Variants in MAPK9 observed in about 807,000 individuals in gnomAD.
MAPK9 encodes mitogen-activated protein kinase 9, also known as Jun kinase.
In MAPK9, 30 loss-of-function variants were observed where a neutral mutation model predicts 57.1. The ratio of observed to expected loss-of-function variants is 0.53; its 90% CI spans 0.39 to 0.71. The LOEUF is 0.71. Ranked by LOEUF, MAPK9 falls within the 30% of genes least tolerant of loss-of-function variation. The probability of loss-of-function intolerance (pLI) is 0.00; values close to 1 mark genes in which losing one functional copy is unlikely to be tolerated. For missense variants in MAPK9, 362 were observed against 521.0 expected (o/e 0.69, Z 2.97); for synonymous variants, 155 against 177.0 (o/e 0.88, Z 0.99).
chr5:180,279,904 A>G, intron 2 of MAPK9: 2 of 456,666 alleles, frequency 4.4e-6, no homozygotes, highest in Non-Finnish European at 8.8e-6. Context: ...ACACAGTTGA[A>G]GTGAGACACC....
chr5:180,258,716 G>GA (rs1759568720), intron 5 of MAPK9, among the ~76,000 whole-genome samples: 1 of 152,006 alleles, frequency 6.6e-6, no homozygotes, highest in African/African-American at 2.4e-5. Context: ...ACTCATACTG[G>GA]AGAGAAACCT....
rs901599010 is a variant in MAPK9, at chr5:180,291,973, G to A, written c.-173C>T. 0.01 allele frequency: 206 copies of A among 19,844 alleles called. 1 individual carries two copies. Among genetic ancestry groups the A allele is most frequent in the Non-Finnish European group, 0.021 (168 of 8,186 alleles). 1.2% of individuals were successfully genotyped at this position (19,844 alleles called of 1,614,324 possible). A position where few individuals can be genotyped will look rare whatever the true frequency, so the allele number is the denominator to read the frequency against. The stretch of plus-strand genomic sequence containing the variant: ...GGCCCGCCCCGCTCCGCTCCGCCCC[G>A]CCGCCGCCGCCGCCGCCGCCGCCGC... On this transcript the variant is annotated 5_prime_UTR_variant, in exon 1 of 12. Transcript: ENST00000452135.
chr5:180,239,400 A>C (rs1305287120), intron 10 of MAPK9, among the ~76,000 whole-genome samples: 1 of 152,182 alleles, frequency 6.6e-6, no homozygotes, highest in Non-Finnish European at 1.5e-5. Context: ...CTGGGGCATG[A>C]CCCTCATCAG....
At chr5:180,291,708 G>A (rs1581349578) in intron 1 of MAPK9, 140 bp downstream of exon 1, 2 of 150,930 alleles carry the variant, frequency 1.3e-5, no homozygotes, top group African/African-American at 2.4e-5. Flanking sequence ...CCCCAGCACA[G>A]GGGCGACGGC....
At chr5:180,250,352 T>C (rs1758547130) in intron 5 of MAPK9, among the ~76,000 whole-genome samples, 1 of 152,218 alleles carries the variant, frequency 6.6e-6, no homozygotes, top group Non-Finnish European at 1.5e-5. Context: ...ATTTGACTTT[T>C]GCCTGGGGAC....
chr5:180,252,230 C>T (rs367715795), intron 5 of MAPK9, among the ~76,000 whole-genome samples: 5 of 152,226 alleles, frequency 3.3e-5, no homozygotes, highest in South Asian at 2.1e-4. Flanking sequence ...GCAGTGTGGG[C>T]GCTGTCTGGG....
intron 3 of MAPK9, among the ~76,000 whole-genome samples, chr5:180,268,380 A>G (rs546745661): frequency 2.6e-5 from 4 of 152,326 alleles, no homozygotes; most frequent in South Asian, 2.1e-4. Flanking sequence ...TCTTTCCACA[A>G]AATATTTAGT....
Position 180,261,826 on chromosome 5 carries a change from A to G in MAPK9, c.312-4T>C. The G allele has an allele frequency of 1.9e-6, 3 of 1,596,154 alleles. No individual in the cohort carries two copies. Among genetic ancestry groups the G allele is most frequent in the South Asian group, 2.3e-5 (2 of 86,654 alleles). The stretch of plus-strand genomic sequence containing the variant: ...CATTAATTCCATAACCAAATACCTG[A>G]GGGAGAAAAGGTCAGTTATTTATTT... On this transcript the variant is annotated splice_region_variant and splice_polypyrimidine_tract_variant and intron_variant, in intron 4 of 11. Coordinates refer to ENST00000452135, the MANE Select transcript of MAPK9 (RefSeq NM_002752.5).
chr5:180,239,088 C>A (rs531062702), intron 10 of MAPK9, among the ~76,000 whole-genome samples: 1 of 152,256 alleles, frequency 6.6e-6, no homozygotes, highest in African/African-American at 2.4e-5. Flanking sequence ...CCAAAGGTAA[C>A]CAGCACCCAC....
Position 180,236,540 on chromosome 5 carries a change from A to G in MAPK9, c.1133-14T>C. 1 of 1,607,260 alleles carries G rather than the reference A, an allele frequency of 6.2e-7. No homozygotes were observed. The highest frequency in any genetic ancestry group is 1.1e-5 in the South Asian group (1 of 90,426). ...TTACTGCTGCATCTGTGCTAAGAAA[A>G]CCAAATATAATAAAATCTGAGGCAC... On this transcript the variant is annotated splice_polypyrimidine_tract_variant and intron_variant, in intron 11 of 11. Transcript: ENST00000452135.
intron 1 of MAPK9, among the ~76,000 whole-genome samples, chr5:180,288,657 A>T (rs1762980419): frequency 6.6e-6 from 1 of 152,200 alleles, no homozygotes; most frequent in Non-Finnish European, 1.5e-5. Flanking sequence ...CAAAGTCCTG[A>T]TCTTACCCAC....
intron 2 of MAPK9, among the ~76,000 whole-genome samples, chr5:180,273,595 C>T (rs543616374): frequency 6.6e-6 from 1 of 152,314 alleles, no homozygotes; most frequent in East Asian, 1.9e-4. Context: ...AGACATTCTC[C>T]TATATTATGT....
At position 180,277,230 on chromosome 5, in the gene MAPK9, A is replaced by G. The variant is rs148584189; in HGVS notation, c.122+3210T>C. Among the ~76,000 whole-genome samples, 4 of 152,328 alleles carry G rather than the reference A, an allele frequency of 2.6e-5. No individual in the cohort carries two copies. In the East Asian group the frequency reaches 7.7e-4, roughly 29 times the overall value. ...CAATTTACTGCTTTAAAGCCACACA[A>G]ACTTACTATCTTACAGTTCTGGAGG... On this transcript the variant is annotated intron_variant, in intron 2 of 11. Coordinates refer to ENST00000452135, the MANE Select transcript of MAPK9 (RefSeq NM_002752.5).
intron 5 of MAPK9, among the ~76,000 whole-genome samples, chr5:180,250,655 T>C (rs1464727211): frequency 6.6e-6 from 1 of 152,100 alleles, no homozygotes; most frequent in Non-Finnish European, 1.5e-5. Context: ...ACAGGTACAA[T>C]TACACTGCCA....
chr5:180,267,832 A>C lies in MAPK9; in HGVS notation c.252+1448T>G, dbSNP rs563344529. On this transcript the variant is annotated intron_variant, in intron 3 of 11. Coordinates refer to ENST00000452135, the MANE Select transcript of MAPK9 (RefSeq NM_002752.5). ...GTCTCAAAAAAACAAAACAAAAAAA[A>C]CCAGATTTCACGTTTTATATTTTAT... 4.6e-5 allele frequency among the ~76,000 whole-genome samples: 7 copies of C among 151,870 alleles called. No individual in the cohort carries two copies. The East Asian group carries it at 1.4e-3, about 30-fold the overall frequency.
rs34517134 is a variant in MAPK9, at chr5:180,243,119, T to G, written c.689-364A>C. On this transcript the variant is annotated intron_variant, in intron 7 of 11. Coordinates refer to ENST00000452135, the MANE Select transcript of MAPK9 (RefSeq NM_002752.5). Reference sequence around the variant, plus strand: ...AGCAAATTGAAATCAGTTTTCATACTAATGCTACCTTAGATTCATTCACAG... The same window carrying G: ...AGCAAATTGAAATCAGTTTTCATACGAATGCTACCTTAGATTCATTCACAG... Among the ~76,000 whole-genome samples, 357 of 152,348 alleles carry G rather than the reference T, an allele frequency of 2.3e-3. 5 individuals carry two copies. The highest frequency in any genetic ancestry group is 0.022 in the Admixed American group (331 of 15,302).
chr5:180,263,941 G>C (rs1356913380), intron 4 of MAPK9, among the ~76,000 whole-genome samples: 1 of 152,016 alleles, frequency 6.6e-6, no homozygotes, highest in Admixed American at 6.6e-5. Flanking sequence ...TCCTGACCTC[G>C]TGATCCGCCC....
At chr5:180,286,377 C>A (rs982954917) in intron 1 of MAPK9, among the ~76,000 whole-genome samples, 2 of 151,218 alleles carry the variant, frequency 1.3e-5, no homozygotes, top group African/African-American at 2.4e-5. Flanking sequence ...ATCTCCTGAC[C>A]TTATGATCCG....
At chr5:180,240,047 A>T in intron 9 of MAPK9, 60 bp from the exon 10 acceptor site, 1 of 1,321,086 alleles carries the variant, frequency 7.6e-7, no homozygotes, top group Non-Finnish European at 1.1e-6. Context: ...TGAGGCACTA[A>T]AAAAGGTAAA....
Sources: allele counts gnomAD v4.1 joint callset (sites outside exome capture counted in the v4.1 genomes callset), GRCh38; gene constraint gnomAD v4.1.1; transcripts MANE v1.5; gene names NCBI Gene and HGNC (gene_info 2026-07-23, HGNC 2026-07-21).